TMEM184B: variants seen among roughly 807,000 people sequenced by gnomAD.
TMEM184B encodes putative MAPK-activating protein FM08.
Under a neutral mutation model 41.8 loss-of-function variants are expected in TMEM184B, and 17 were observed. The ratio of observed to expected loss-of-function variants is 0.41; its 90% CI spans 0.28 to 0.61. The LOEUF (loss-of-function observed/expected upper bound fraction) is 0.61. Ranked by LOEUF, TMEM184B falls within the 20% of genes least tolerant of loss-of-function variation. The pLI is 0.34. For synonymous variants in TMEM184B, 240 were observed against 229.5 expected (o/e 1.05, Z -0.41); for missense variants, 393 against 557.8 (o/e 0.70, Z 2.98).
At chr22:38,249,517 G>C (rs978172676) in intron 1 of TMEM184B, among the ~76,000 whole-genome samples, 3 of 152,168 alleles carry the variant, frequency 2.0e-5, no homozygotes, top group African/African-American at 7.2e-5. Flanking sequence ...AAAGAATAGT[G>C]GGTGGGGCCC....
intron 3 of TMEM184B, among the ~76,000 whole-genome samples, chr22:38,233,062 C>T (rs1359332705): frequency 6.6e-6 from 1 of 152,232 alleles, no homozygotes; most frequent in Non-Finnish European, 1.5e-5. Context: ...ACACACGGGG[C>T]ACACCACAAC....
At chr22:38,253,158 A>G (rs2092207206) in intron 1 of TMEM184B, among the ~76,000 whole-genome samples, 1 of 152,122 alleles carries the variant, frequency 6.6e-6, no homozygotes, top group Non-Finnish European at 1.5e-5. Context: ...TAGTAAATAA[A>G]TAAATAAAAA....
intron 4 of TMEM184B, among the ~76,000 whole-genome samples, chr22:38,231,036 C>T (rs1427436764): frequency 1.3e-5 from 2 of 152,194 alleles, no homozygotes; most frequent in African/African-American, 4.8e-5. Context: ...AAGACTGAGA[C>T]AGGAAGAGAC....
chr22:38,224,415 G>A (rs2091364663), intron 8 of TMEM184B, among the ~76,000 whole-genome samples: 1 of 152,186 alleles, frequency 6.6e-6, no homozygotes, highest in African/African-American at 2.4e-5. Flanking sequence ...TGCCCGGCCA[G>A]AAGTATCCTT....
In TMEM184B at chr22:38,221,371, A is replaced by G; in HGVS notation, c.*98T>C. The G allele has an allele frequency of 6.7e-7, 1 of 1,498,868 alleles. No homozygotes were observed. The highest frequency in any genetic ancestry group is 8.8e-7 in the Non-Finnish European group (1 of 1,131,416). The allele number at this position is 1,498,868 out of a possible 1,614,324, so 92.8% of individuals were successfully genotyped here. On this transcript the variant is annotated 3_prime_UTR_variant, in exon 9 of 9. Transcript: ENST00000361906. ...TCCAATAAATAAAGGCGGCGTGAGC[A>G]CTGTGCCAGCTGCCTCCTGGCCTGG...
intron 1 of TMEM184B, among the ~76,000 whole-genome samples, chr22:38,268,654 T>C (rs572630116): frequency 6.6e-6 from 1 of 152,364 alleles, no homozygotes; most frequent in Non-Finnish European, 1.5e-5. Flanking sequence ...TCCATAGACA[T>C]GAACTCAGAC....
At chr22:38,218,915 AG>A (rs774214584), downstream of TMEM184B, among the ~76,000 whole-genome samples, 2 of 152,128 alleles carry the variant, frequency 1.3e-5, no homozygotes. Context: ...TGAGGGTCCC[AG>A]GGTGGAGGAC....
At position 38,236,782 on chromosome 22, in the gene TMEM184B, G is replaced by A. The variant is rs148186212; in HGVS notation, c.359-5448C>T. 2.5e-4 allele frequency among the ~76,000 whole-genome samples: 38 copies of A among 152,232 alleles called. No homozygotes were observed. In the East Asian group the frequency reaches 4.1e-3, roughly 16 times the overall value. ...TGGGATTAAGGGCATGAGCCACTGC[G>A]CCTGGCCTATAAGAAACCATTTCTA... is the stretch of plus-strand genomic sequence containing the variant. On this transcript the variant is annotated intron_variant, in intron 3 of 8. Transcript: ENST00000361906.
Position 38,231,227 on chromosome 22 carries a change from G to A in TMEM184B, c.449+17C>T. ...GAAACGGGGTGGTTTAGGGCTCTGG[G>A]AAGACTCCATACTCACTCAATGGGT... On this transcript the variant is annotated intron_variant, in intron 4 of 8. Coordinates refer to ENST00000361906, the MANE Select transcript of TMEM184B (RefSeq NM_012264.5). 1 of 1,611,648 alleles carries A rather than the reference G, an allele frequency of 6.2e-7. No homozygotes were observed. Among genetic ancestry groups the A allele is most frequent in the Non-Finnish European group, 8.5e-7 (1 of 1,177,772 alleles).
chr22:38,228,301 G>T (rs79365335), intron 5 of TMEM184B, among the ~76,000 whole-genome samples: 2 of 152,236 alleles, frequency 1.3e-5, no homozygotes, highest in East Asian at 3.8e-4. Context: ...CAACAGGCTG[G>T]TGTTTCCCTG....
In TMEM184B at chr22:38,220,448, CGA is replaced by C. The variant is rs1214855582; in HGVS notation, c.*1019_*1020del. 1 of 985,702 alleles carries C rather than the reference CGA, an allele frequency of 1.0e-6. No individual in the cohort carries two copies. The highest frequency in any genetic ancestry group is 1.7e-5 in the African/African-American group (1 of 57,194). The allele number at this position is 985,702 out of a possible 1,614,324, so 61.1% of individuals were successfully genotyped here. A position where few individuals can be genotyped will look rare whatever the true frequency, so the allele number is the denominator to read the frequency against. ...CCAGGCCCTGTGTGGATAGGGGCCCCGAGAGGAGTCTGGGACCATTCCCCCCA... is the reference window on the plus strand; with the variant it reads ...CCAGGCCCTGTGTGGATAGGGGCCCCGAGGAGTCTGGGACCATTCCCCCCA... On this transcript the variant is annotated 3_prime_UTR_variant, in exon 9 of 9. Transcript: ENST00000361906.
chr22:38,216,724 C>CAA (rs1312884452), downstream of TMEM184B, among the ~76,000 whole-genome samples: 1 of 152,074 alleles, frequency 6.6e-6, no homozygotes, highest in South Asian at 2.1e-4. Context: ...CCTGGGAAGA[C>CAA]AAAGCCATGG....
At chr22:38,272,775 C>G (rs761451659) in intron 1 of TMEM184B, 109 bp downstream of exon 1, 7 of 985,198 alleles carry the variant, frequency 7.1e-6, no homozygotes, top group Non-Finnish European at 8.4e-6. Context: ...AGCCGGCGGC[C>G]GAAGCCGGGC....
chr22:38,221,831 C>T (rs2091269668), intron 8 of TMEM184B, 121 bp from the exon 9 acceptor site: 6 of 1,392,536 alleles, frequency 4.3e-6, no homozygotes, highest in Non-Finnish European at 5.8e-6. Flanking sequence ...GCCCTTCAAC[C>T]ATCCCTTCTG....
At chr22:38,260,740 C>T (rs1259399697) in intron 1 of TMEM184B, among the ~76,000 whole-genome samples, 1 of 152,220 alleles carries the variant, frequency 6.6e-6, no homozygotes, top group Non-Finnish European at 1.5e-5. Context: ...CTCCCACTTC[C>T]TCCTTCGGCC....
chr22:38,254,465 TG>T (rs1264052829), intron 1 of TMEM184B, among the ~76,000 whole-genome samples: 1 of 151,976 alleles, frequency 6.6e-6, no homozygotes, highest in Admixed American at 6.6e-5. Flanking sequence ...CCGGGTATGG[TG>T]GTACATGTCT....
chr22:38,236,580 CTCAA>C (rs1326370176), intron 3 of TMEM184B, among the ~76,000 whole-genome samples: 2 of 152,072 alleles, frequency 1.3e-5, no homozygotes, highest in African/African-American at 4.8e-5. Context: ...ACCTCCCAGG[CTCAA>C]TCAATCTTCC....
chr22:38,229,150 GC>G, intron 5 of TMEM184B, among the ~76,000 whole-genome samples: 1 of 152,384 alleles, frequency 6.6e-6, no homozygotes, highest in African/African-American at 2.4e-5. Flanking sequence ...GGAGCAGCAG[GC>G]CCCGCCCTCC....
intron 1 of TMEM184B, among the ~76,000 whole-genome samples, chr22:38,253,440 T>C (rs1054337695): frequency 6.6e-6 from 1 of 151,470 alleles, no homozygotes; most frequent in Admixed American, 6.6e-5. Flanking sequence ...CGTAGTGGCA[T>C]GTGCCTGTAA....
Sources: allele counts gnomAD v4.1 joint callset (sites outside exome capture counted in the v4.1 genomes callset), GRCh38; gene constraint gnomAD v4.1.1; transcripts MANE v1.5; gene names NCBI Gene and HGNC (gene_info 2026-07-23, HGNC 2026-07-21).